Variants in PMPCB observed in about 807,000 individuals in gnomAD.
PMPCB encodes mitochondrial-processing peptidase subunit beta.
Under a neutral mutation model 61.5 loss-of-function variants are expected in PMPCB, and 46 were observed. The ratio of observed to expected loss-of-function variants is 0.75; its 90% CI spans 0.59 to 0.96. The LOEUF (loss-of-function observed/expected upper bound fraction) is 0.96, where lower values mean the gene tolerates loss of function less well. Ranked by LOEUF, PMPCB falls within the 40% of genes least tolerant of loss-of-function variation. The probability of loss-of-function intolerance (pLI) is 0.00; values close to 1 mark genes in which losing one functional copy is unlikely to be tolerated. For synonymous variants in PMPCB, 191 were observed against 201.6 expected (o/e 0.95, Z 0.44); for missense variants, 590 against 602.4 (o/e 0.98, Z 0.22).
intron 12 of PMPCB, chr7:103,327,713 C>T: frequency 6.2e-7 from 1 of 1,613,650 alleles, no homozygotes; most frequent in Non-Finnish European, 8.5e-7. Flanking sequence ...TCACCAGCTG[C>T]TTTCCGTTTG....
chr7:103,340,442 G>A, the PMPCB span, among the ~76,000 whole-genome samples: 5 of 152,164 alleles, frequency 3.3e-5, no homozygotes, highest in Admixed American at 3.3e-4. Context: ...AACAACCAAT[G>A]ACATAGGAAC....
the PMPCB span, chr7:103,341,856 C>A: frequency 4.3e-6 from 7 of 1,613,128 alleles, no homozygotes; most frequent in Non-Finnish European, 5.9e-6. Context: ...TCTTTCTTAT[C>A]CTCCAGTTCC....
Position 103,312,819 on chromosome 7 carries a change from T to A in PMPCB, c.*548T>A. 6.6e-7 allele frequency: 1 copy of A among 1,518,884 alleles called. No homozygotes were observed. Among genetic ancestry groups the A allele is most frequent in the Non-Finnish European group, 8.8e-7 (1 of 1,140,994 alleles). 94.1% of individuals were successfully genotyped at this position (1,518,884 alleles called of 1,614,324 possible). A position where few individuals can be genotyped will look rare whatever the true frequency, so the allele number is the denominator to read the frequency against. Reference sequence around the variant, plus strand: ...GTTGCTCATTTCTTCCTCATAATATTGACCCCATAACTACTGGTTTTGAAA... The same window carrying A: ...GTTGCTCATTTCTTCCTCATAATATAGACCCCATAACTACTGGTTTTGAAA... On this transcript the variant is annotated 3_prime_UTR_variant, in exon 13 of 13. Transcript: ENST00000249269.
At chr7:103,317,849 T>C (rs1818156889), downstream of PMPCB, among the ~76,000 whole-genome samples, 1 of 152,132 alleles carries the variant, frequency 6.6e-6, no homozygotes, top group Non-Finnish European at 1.5e-5. Flanking sequence ...TGGGGTTTCA[T>C]CATGTTGGCC....
intron 12 of PMPCB, among the ~76,000 whole-genome samples, chr7:103,321,141 T>C (rs1258373642): frequency 6.6e-6 from 1 of 151,960 alleles, no homozygotes; most frequent in Non-Finnish European, 1.5e-5. Context: ...AAGGTTGCAG[T>C]GAGCCGAGAT....
rs770935865 is a variant in PMPCB, at chr7:103,327,665, T to C, written c.*1432-1266T>C. 6 of 1,594,324 alleles carry C rather than the reference T, an allele frequency of 3.8e-6. No homozygotes were observed. The Admixed American group carries it at 8.6e-5, about 23-fold the overall frequency. ...TAAAGCATTTTCTTACCTTTAGTTA[T>C]GCAAGTGAAGTAGTCATTATCTCCT... On this transcript the variant is annotated intron_variant and NMD_transcript_variant, in intron 12 of 12. Transcript: ENST00000444457.
In PMPCB at chr7:103,312,924, C is replaced by T; in HGVS notation, c.*653C>T. The T allele has an allele frequency of 6.3e-7, 1 of 1,596,570 alleles. No individual in the cohort carries two copies. The highest frequency in any genetic ancestry group is 1.8e-5 in the Admixed American group (1 of 54,534). ...AAGCTACAATTTAAAATACAACAATCTATAAACGCTTAAGTCTGCAACCTT... is the reference window on the plus strand; with the variant it reads ...AAGCTACAATTTAAAATACAACAATTTATAAACGCTTAAGTCTGCAACCTT... On this transcript the variant is annotated 3_prime_UTR_variant, in exon 13 of 13. Coordinates refer to ENST00000249269, the MANE Select transcript of PMPCB (RefSeq NM_004279.3).
rs762643807 is a variant in PMPCB, at chr7:103,304,454, T to C, written c.700T>C (p.Tyr234His). The change falls in exon 6 of 13, where the codon TAT becomes CAT. Residue 234 changes from tyrosine to histidine, a missense_variant. By Grantham distance (83) the Tyr-to-His change is moderately conservative. Transcript: ENST00000249269. ...CTTAGTGGATTATATAACCACACATTATAAGGGGCCAAGAATAGTGCTTGC... is the reference window on the plus strand; with the variant it reads ...CTTAGTGGATTATATAACCACACATCATAAGGGGCCAAGAATAGTGCTTGC... ...KDLVDYITTH[Y>H]KGPRIVLAAA... is the part of the protein sequence containing the mutation. The C allele has an allele frequency of 6.2e-7, 1 of 1,607,878 alleles. No individual in the cohort carries two copies. The highest frequency in any genetic ancestry group is 1.1e-5 in the South Asian group (1 of 90,954).
At chr7:103,316,873 G>C (rs781035170), downstream of PMPCB, 1 of 1,613,928 alleles carries the variant, frequency 6.2e-7, no homozygotes, top group Non-Finnish European at 8.5e-7. Flanking sequence ...GCTTTAATTA[G>C]TAATTGTAGA....
intron 1 of PMPCB, chr7:103,297,868 A>G (rs1411177938): frequency 6.9e-7 from 1 of 1,442,072 alleles, no homozygotes; most frequent in Non-Finnish European, 9.2e-7. Context: ...TAAAAAGTGA[A>G]ATGGGTACCG....
chr7:103,299,416 A>C, intron 2 of PMPCB, 27 bp from the exon 3 acceptor site: 1 of 1,382,500 alleles, frequency 7.2e-7, no homozygotes, highest in Non-Finnish European at 1.0e-6. Context: ...AAATGAATTT[A>C]TTTAATTGTT....
At chr7:103,297,959 A>G (rs1410541675) in intron 1 of PMPCB, 1 of 1,206,520 alleles carries the variant, frequency 8.3e-7, no homozygotes, top group African/African-American at 1.6e-5. Flanking sequence ...ATGAAGTAAA[A>G]TTTTTTATGT....
At chr7:103,337,806 T>C in the PMPCB span, 1 of 1,613,076 alleles carries the variant, frequency 6.2e-7, no homozygotes, top group Non-Finnish European at 8.5e-7. Flanking sequence ...CATAATGATC[T>C]TGGTTCTGGA....
intron 8 of PMPCB, 90 bp downstream of exon 8, chr7:103,309,185 A>G (rs1817671320): frequency 9.2e-7 from 1 of 1,085,934 alleles, no homozygotes; most frequent in South Asian, 1.8e-5. Flanking sequence ...CCTTTTTTAA[A>G]GTGGCAGAAT....
chr7:103,302,350 C>T (rs1817473229), intron 4 of PMPCB, among the ~76,000 whole-genome samples: 1 of 152,076 alleles, frequency 6.6e-6, no homozygotes, highest in Non-Finnish European at 1.5e-5. Flanking sequence ...AATACATGTG[C>T]TACTATACTA....
In PMPCB at chr7:103,312,777, C is replaced by T; in HGVS notation, c.*506C>T. ...ATACTGATTTCATTATCTGCCAGGG[C>T]CTAGAAAGTTTCTAAGGTTGCTCAT... On this transcript the variant is annotated 3_prime_UTR_variant, in exon 13 of 13. Transcript: ENST00000249269. 1 of 1,510,756 alleles carries T rather than the reference C, an allele frequency of 6.6e-7. No homozygotes were observed. Among genetic ancestry groups the T allele is most frequent in the East Asian group, 2.3e-5 (1 of 43,586 alleles). The allele number at this position is 1,510,756 out of a possible 1,614,324, so 93.6% of individuals were successfully genotyped here.
intron 12 of PMPCB, chr7:103,324,621 CA>C (rs1818603489): frequency 4.7e-6 from 6 of 1,281,558 alleles, no homozygotes; most frequent in Non-Finnish European, 6.2e-6. Flanking sequence ...AACAGTTCAA[CA>C]AACAATTTAA....
the PMPCB span, chr7:103,335,558 GAC>G: frequency 6.8e-6 from 1 of 147,576 alleles, no homozygotes; most frequent in Admixed American, 6.8e-5. Flanking sequence ...TTTTTAATGA[GAC>G]AGAGTCTCAC....
At chr7:103,329,093 T>G in exon 13 of PMPCB, 1 of 860,794 alleles carries the variant, frequency 1.2e-6, no homozygotes, top group Non-Finnish European at 1.6e-6. Context: ...TCAACAATTT[T>G]TTTGTTTTTC....
Sources: allele counts gnomAD v4.1 joint callset (sites outside exome capture counted in the v4.1 genomes callset), GRCh38; gene constraint gnomAD v4.1.1; transcripts MANE v1.5; gene names NCBI Gene and HGNC (gene_info 2026-07-23, HGNC 2026-07-21).